The following SLC5A1 variants were observed in gnomAD, a reference collection of about 807,000 sequenced individuals.
SLC5A1 encodes solute carrier family 5 member 1.
A neutral mutation model predicts 73.5 loss-of-function variants in SLC5A1; 42 were observed. The ratio of observed to expected loss-of-function variants is 0.57; its 90% CI spans 0.45 to 0.74. The LOEUF (loss-of-function observed/expected upper bound fraction) is 0.74. SLC5A1 is among the 30% of genes least tolerant of loss of function. The probability of loss-of-function intolerance (pLI) is 0.00; values close to 1 mark genes in which losing one functional copy is unlikely to be tolerated. For missense variants in SLC5A1, 634 were observed against 855.4 expected, an observed-to-expected ratio of 0.74 and a Z score of 3.23; for synonymous variants, 300 against 317.4, an observed-to-expected ratio of 0.95 and a Z score of 0.58.
intron 2 of SLC5A1, among the ~76,000 whole-genome samples, chr22:32,060,090 C>T (rs1349645101): frequency 6.7e-6 from 1 of 148,774 alleles, no homozygotes; most frequent in African/African-American, 2.5e-5. Context: ...CACATGTATA[C>T]ACACACATAT....
intron 5 of SLC5A1, among the ~76,000 whole-genome samples, chr22:32,070,434 G>C (rs915623834): frequency 1.3e-5 from 2 of 151,600 alleles, no homozygotes; most frequent in African/African-American, 2.4e-5. Flanking sequence ...CTGGGCTCAA[G>C]CGATCCTTCC....
chr22:32,110,568 G>T lies in SLC5A1; in HGVS notation c.*355G>T. 1 of 333,164 alleles carries T rather than the reference G, an allele frequency of 3.0e-6. No homozygotes were observed. The highest frequency in any genetic ancestry group is 5.7e-6 in the Non-Finnish European group (1 of 174,316). The allele number at this position is 333,164 out of a possible 1,614,324, so 20.6% of individuals were successfully genotyped here. On this transcript the variant is annotated 3_prime_UTR_variant, in exon 15 of 15. Transcript: ENST00000266088. The stretch of plus-strand genomic sequence containing the variant: ...GTGTGGTTTATAATCCTTGAATATT[G>T]TTTTAGAAACTTTGGTCTCCCTGGT...
Position 32,110,468 on chromosome 22 carries a change from A to G in SLC5A1, c.*255A>G. On this transcript the variant is annotated 3_prime_UTR_variant, in exon 15 of 15. Transcript: ENST00000266088. ...GAAGTCCACTCAGTCACATCCAGAA[A>G]AAGGCAGACTAAGAATCAGAAGCCA... 1 of 534,528 alleles carries G rather than the reference A, an allele frequency of 1.9e-6. No individual in the cohort carries two copies. The highest frequency in any genetic ancestry group is 3.4e-6 in the Non-Finnish European group (1 of 294,898). The allele number at this position is 534,528 out of a possible 1,614,324, so 33.1% of individuals were successfully genotyped here.
chr22:32,077,283 CCTCT>C (rs2093992592), intron 5 of SLC5A1, among the ~76,000 whole-genome samples: 1 of 149,680 alleles, frequency 6.7e-6, no homozygotes, highest in South Asian at 2.2e-4. Context: ...TTTCTCTCTC[CCTCT>C]GTTACCTTCC....
intron 2 of SLC5A1, among the ~76,000 whole-genome samples, chr22:32,054,898 C>T (rs2093949564): frequency 6.6e-6 from 1 of 152,120 alleles, no homozygotes; most frequent in African/African-American, 2.4e-5. Context: ...TGGTCTTGAA[C>T]TCCTGGCCTC....
chr22:32,102,052 C>G lies in SLC5A1; in HGVS notation c.1480C>G (p.Leu494Val), dbSNP rs199670987. ...GAFWGLILGL[L>V]IGISRMITEF... ...CTTTTGGGGACTGATCCTAGGACTTCTGATTGGGATTTCACGTATGATTAC... is the reference window on the plus strand; with the variant it reads ...CTTTTGGGGACTGATCCTAGGACTTGTGATTGGGATTTCACGTATGATTAC... Residue 494 changes from leucine (L) to valine (V), a missense_variant, in exon 13 of 15, where the codon CTG becomes GTG. Physicochemically the swap from Leu to Val is conservative, Grantham distance 32 (BLOSUM62 1). Coordinates refer to ENST00000266088, the MANE Select transcript of SLC5A1 (RefSeq NM_000343.4). The G allele has an allele frequency of 9.3e-6, 15 of 1,613,996 alleles. No individual in the cohort carries two copies. The highest frequency in any genetic ancestry group is 1.3e-5 in the Non-Finnish European group (15 of 1,180,012).
intron 1 of SLC5A1, among the ~76,000 whole-genome samples, chr22:32,046,435 C>T (rs1284903329): frequency 6.6e-6 from 1 of 150,630 alleles, no homozygotes; most frequent in Non-Finnish European, 1.5e-5. Context: ...GACTAGTTGT[C>T]AACAGCCTTC....
intron 5 of SLC5A1, among the ~76,000 whole-genome samples, chr22:32,070,351 G>C (rs1028795920): frequency 6.8e-6 from 1 of 147,498 alleles, no homozygotes; most frequent in Non-Finnish European, 1.5e-5. Context: ...TGTGAGATAG[G>C]GTCTTGCTGT....
In SLC5A1 at chr22:32,084,460, A is replaced by G. The variant is rs766995476; in HGVS notation, c.686A>G (p.Tyr229Cys). Residue 229 changes from tyrosine (Y) to cysteine (C), a missense_variant, in exon 8 of 15, where the codon TAT becomes TGT. Around this residue, in one of 3 missense-constraint regions of SLC5A1, gnomAD observed 422 missense variants for 626.1 expected, o/e 0.67. Transcript: ENST00000266088. ...TGFAFHEVGG[Y>C]DAFMEKYMKA... ...CCAGCTTTTCACGAAGTGGGAGGCT[A>G]TGACGCCTTCATGGAAAAGTACATG... 1.2e-6 allele frequency: 2 copies of G among 1,614,224 alleles called. No homozygotes were observed. The highest frequency in any genetic ancestry group is 8.5e-7 in the Non-Finnish European group (1 of 1,180,000).
At chr22:32,050,987 T>C (rs774681881) in intron 2 of SLC5A1, among the ~76,000 whole-genome samples, 1 of 152,194 alleles carries the variant, frequency 6.6e-6, no homozygotes, top group Non-Finnish European at 1.5e-5. Flanking sequence ...GGAGATGTGA[T>C]GGTAGGAAAG....
rs1384057476 is a variant in SLC5A1, at chr22:32,096,662, C to G, written c.1281-2521C>G. Among the ~76,000 whole-genome samples, 5 of 152,208 alleles carry G rather than the reference C, an allele frequency of 3.3e-5. No homozygotes were observed. The East Asian group carries it at 9.6e-4, about 29-fold the overall frequency. ...AGCATTAAAGTATCAACACCTGGGTCAGGTGTGCTCATTATCATGATTATC... is the reference window on the plus strand; with the variant it reads ...AGCATTAAAGTATCAACACCTGGGTGAGGTGTGCTCATTATCATGATTATC... On this transcript the variant is annotated intron_variant, in intron 11 of 14. Transcript: ENST00000266088.
Position 32,043,499 on chromosome 22 carries a change from A to G in SLC5A1, c.135+83A>G. On this transcript the variant is annotated intron_variant, in intron 1 of 14. Coordinates refer to ENST00000266088, the MANE Select transcript of SLC5A1 (RefSeq NM_000343.4). The surrounding 1 kb of genome is among the most constrained non-coding windows in gnomAD (Gnocchi z 6.5). ...GCCTCGCTGAGCTGCAAGGGGCAGT[A>G]GGCTTAAGTGTCGGTGGAGGGGAGA... 8 of 1,457,108 alleles carry G rather than the reference A, an allele frequency of 5.5e-6. No homozygotes were observed. In the South Asian group the frequency reaches 9.4e-5, roughly 17 times the overall value. 90.3% of individuals were successfully genotyped at this position (1,457,108 alleles called of 1,614,324 possible).
intron 14 of SLC5A1, among the ~76,000 whole-genome samples, chr22:32,108,309 G>T (rs2094050011): frequency 6.6e-6 from 1 of 152,054 alleles, no homozygotes; most frequent in Admixed American, 6.6e-5. Context: ...CACCATGTTA[G>T]CCAGGATAGT....
At chr22:32,072,222 C>T (rs1019164296) in intron 5 of SLC5A1, among the ~76,000 whole-genome samples, 2 of 152,152 alleles carry the variant, frequency 1.3e-5, no homozygotes, top group East Asian at 1.9e-4. Context: ...CATCCTCCAC[C>T]CTCAAGTACG....
At chr22:32,057,551 C>T (rs1220203811) in intron 2 of SLC5A1, among the ~76,000 whole-genome samples, 1 of 152,204 alleles carries the variant, frequency 6.6e-6, no homozygotes, top group Non-Finnish European at 1.5e-5. Context: ...CAGGCATAAG[C>T]TACCGCACCC....
Position 32,083,169 on chromosome 22 carries a change from G to T in SLC5A1, c.664+15G>T. On this transcript the variant is annotated intron_variant, in intron 7 of 14. Transcript: ENST00000266088. ...GACTGGGTTTGGTAAGTGGGGCCAG[G>T]GCAGGCTGAGGAGGTGGGAGCAGAG... 2 of 1,610,088 alleles carry T rather than the reference G, an allele frequency of 1.2e-6. No homozygotes were observed. The highest frequency in any genetic ancestry group is 2.2e-5 in the South Asian group (2 of 90,946).
chr22:32,082,983 G>A, intron 6 of SLC5A1, 91 bp from the exon 7 acceptor site: 1 of 953,730 alleles, frequency 1.0e-6, no homozygotes, highest in Non-Finnish European at 1.5e-6. Context: ...CAGAAGGCCA[G>A]CAGAAGTAGA....
At chr22:32,059,336 A>G (rs141989061) in intron 2 of SLC5A1, 2 of 985,704 alleles carry the variant, frequency 2.0e-6, no homozygotes, top group African/African-American at 1.7e-5. Flanking sequence ...GGAACAGACA[A>G]CACATGAGGT....
chr22:32,066,567 C>A (rs2149487652), intron 2 of SLC5A1, among the ~76,000 whole-genome samples: 1 of 152,296 alleles, frequency 6.6e-6, no homozygotes, highest in Non-Finnish European at 1.5e-5. Flanking sequence ...ATATGGAGAT[C>A]AAGGGCTCAT....
Sources: allele counts gnomAD v4.1 joint callset (sites outside exome capture counted in the v4.1 genomes callset), GRCh38; gene constraint gnomAD v4.1.1; regional missense constraint gnomAD v4.1.1; non-coding constraint Gnocchi (gnomAD v3.1); transcripts MANE v1.5; gene names NCBI Gene and HGNC (gene_info 2026-07-23, HGNC 2026-07-21).